The following RHPN2 variants were observed in gnomAD, a reference collection of about 807,000 sequenced individuals.
RHPN2 encodes the protein rhophilin-2.
In RHPN2, 40 loss-of-function variants were observed where a neutral mutation model predicts 79.0. That is an observed-to-expected ratio of 0.51 (90% CI 0.39 to 0.66). RHPN2 has a LOEUF of 0.66. RHPN2 is among the 30% of genes least tolerant of loss of function. RHPN2 has a pLI of 0.00. For missense variants in RHPN2, 686 were observed against 883.5 expected, an observed-to-expected ratio of 0.78 and a Z score of 2.83; for synonymous variants, 285 against 363.5, an observed-to-expected ratio of 0.78 and a Z score of 2.46.
chr19:32,990,474 C>T, intron 14 of RHPN2, 40 bp downstream of exon 14: 1 of 1,611,326 alleles, frequency 6.2e-7, no homozygotes, highest in East Asian at 2.2e-5. Context: ...GATTTCACTC[C>T]ACGCCACCAC....
intron 1 of RHPN2, among the ~76,000 whole-genome samples, chr19:33,051,128 A>G (rs984242254): frequency 1.3e-5 from 2 of 152,172 alleles, no homozygotes; most frequent in Non-Finnish European, 2.9e-5. Context: ...AGTAGCTGGG[A>G]TTACAGGTGC....
intron 11 of RHPN2, among the ~76,000 whole-genome samples, chr19:32,995,751 C>T (rs534611682): frequency 9.2e-5 from 14 of 152,174 alleles, no homozygotes; most frequent in East Asian, 1.9e-4. Flanking sequence ...CCCAGCTCCT[C>T]GGGAGGCTGA....
In RHPN2 at chr19:32,979,946, C is replaced by T. The variant is rs767583226; in HGVS notation, c.*50G>A. 8.7e-6 allele frequency: 14 copies of T among 1,606,790 alleles called. No individual in the cohort carries two copies. Among genetic ancestry groups the T allele is most frequent in the African/African-American group, 2.7e-5 (2 of 74,656 alleles). ...CCATTATGGCACAAACGTTTAAGGC[C>T]GAGTCAGCACCGGAAATGTTCAGGG... On this transcript the variant is annotated 3_prime_UTR_variant, in exon 15 of 15. Coordinates refer to ENST00000254260, the MANE Select transcript of RHPN2 (RefSeq NM_033103.5).
intron 14 of RHPN2, 35 bp from the exon 15 acceptor site, chr19:32,980,291 C>T: frequency 6.2e-7 from 1 of 1,613,684 alleles, no homozygotes. Context: ...GGGCGTCAGG[C>T]ATCATCAAGA....
chr19:33,034,650 A>C (rs112986679), intron 2 of RHPN2, among the ~76,000 whole-genome samples: 3,341 of 148,406 alleles, frequency 0.023, 123 homozygotes, highest in African/African-American at 0.08. Flanking sequence ...GCATGGTGGC[A>C]CACCCCTGTA....
chr19:32,980,116 C>T lies in RHPN2; in HGVS notation c.1941G>A (p.Lys647=), dbSNP rs144615733. The T allele has an allele frequency of 4.8e-4, 774 of 1,613,940 alleles. 1 individual carries two copies. The highest frequency in any genetic ancestry group is 6.3e-4 in the Non-Finnish European group (745 of 1,179,862). The change falls in exon 15 of 15, where the codon AAG becomes AAA. Residue 647 remains lysine (K), a synonymous_variant. Transcript: ENST00000254260. Reference sequence around the variant, plus strand: ...AGGTGCTGGCTGACTTCTGTCTGTTCTTGTTGGTGCCCCAACTCAGGAAGG... The same window carrying T: ...AGGTGCTGGCTGACTTCTGTCTGTTTTTGTTGGTGCCCCAACTCAGGAAGG... ...KLSFLSWGTN[K]NRQKSASTLC... is the part of the protein sequence containing the mutation.
chr19:33,006,751 C>A (rs894720599), intron 7 of RHPN2, among the ~76,000 whole-genome samples: 1 of 152,248 alleles, frequency 6.6e-6, no homozygotes, highest in Non-Finnish European at 1.5e-5. Flanking sequence ...CTGTTGACCC[C>A]AGTCCTCTAT....
intron 1 of RHPN2, among the ~76,000 whole-genome samples, chr19:33,057,883 G>A (rs761439350): frequency 2.6e-5 from 4 of 151,936 alleles, no homozygotes; most frequent in African/African-American, 7.3e-5. Context: ...TCCTGGGCTC[G>A]GCGCAGTGGC....
intron 3 of RHPN2, among the ~76,000 whole-genome samples, chr19:33,023,992 C>A (rs11084696): frequency 0.35 from 53,130 of 151,816 alleles, 11,121 homozygotes; most frequent in African/African-American, 0.58. Context: ...ATGGCAAATG[C>A]GAGTGTGGAA....
intron 1 of RHPN2, among the ~76,000 whole-genome samples, chr19:33,063,074 G>A (rs1972295069): frequency 6.6e-6 from 1 of 152,090 alleles, no homozygotes; most frequent in Non-Finnish European, 1.5e-5. Context: ...CAACTTGCGG[G>A]AGGCCACACA....
intron 4 of RHPN2, among the ~76,000 whole-genome samples, chr19:33,019,166 C>T (rs1191065247): frequency 6.6e-6 from 1 of 152,034 alleles, no homozygotes; most frequent in East Asian, 1.9e-4. Flanking sequence ...TAAAATAAGC[C>T]AGGCACAGTG....
At chr19:33,014,475 T>C (rs1971862215) in intron 4 of RHPN2, among the ~76,000 whole-genome samples, 1 of 152,006 alleles carries the variant, frequency 6.6e-6, no homozygotes, top group Non-Finnish European at 1.5e-5. Flanking sequence ...TCAGCTAATA[T>C]TGTTATTTTT....
chr19:32,996,929 T>G (rs1971706956), intron 10 of RHPN2, among the ~76,000 whole-genome samples: 1 of 152,144 alleles, frequency 6.6e-6, no homozygotes, highest in African/African-American at 2.4e-5. Context: ...AGGGTCTCAC[T>G]TTGTTTCGCA....
chr19:33,023,584 G>A (rs1276121784), intron 3 of RHPN2, among the ~76,000 whole-genome samples: 4 of 151,648 alleles, frequency 2.6e-5, no homozygotes, highest in South Asian at 2.1e-4. Flanking sequence ...TCAGGAGATC[G>A]AGACCATCCT....
At chr19:33,041,017 A>T (rs886443871) in intron 2 of RHPN2, among the ~76,000 whole-genome samples, 2 of 152,042 alleles carry the variant, frequency 1.3e-5, no homozygotes, top group African/African-American at 2.4e-5. Context: ...TCCTAAAAAA[A>T]CTCCAGGAAG....
At chr19:33,036,186 A>ATTT (rs530097897) in intron 2 of RHPN2, among the ~76,000 whole-genome samples, 1 of 139,684 alleles carries the variant, frequency 7.2e-6, no homozygotes, top group African/African-American at 2.6e-5. Context: ...AAGAAAATTA[A>ATTT]TTTTTTTTTT....
At chr19:33,046,736 C>G (rs571700035) in intron 1 of RHPN2, among the ~76,000 whole-genome samples, 2 of 152,320 alleles carry the variant, frequency 1.3e-5, no homozygotes, top group African/African-American at 4.8e-5. Context: ...TATGTGTGTG[C>G]TGTCTCACAT....
At chr19:33,012,381 TG>T (rs1971842351) in intron 5 of RHPN2, among the ~76,000 whole-genome samples, 2 of 152,108 alleles carry the variant, frequency 1.3e-5, no homozygotes, top group Non-Finnish European at 2.9e-5. Context: ...TTCACCATGT[TG>T]GCCAGGATGG....
chr19:33,041,655 C>G (rs539840270), intron 2 of RHPN2, among the ~76,000 whole-genome samples: 1 of 152,306 alleles, frequency 6.6e-6, no homozygotes, highest in East Asian at 1.9e-4. Context: ...CTGAGAAAGT[C>G]CAAGTTCCCT....
Sources: gnomAD v4.1 joint callset for allele counts (sites outside exome capture counted in the v4.1 genomes callset) on GRCh38, gnomAD v4.1.1 for gene constraint, MANE v1.5 for transcripts, NCBI Gene and HGNC (gene_info 2026-07-23, HGNC 2026-07-21) for gene names.